The following NADK2 variants were observed in gnomAD, a reference collection of about 807,000 sequenced individuals.
NADK2 encodes NAD kinase domain-containing protein 1, mitochondrial.
NADK2 carries 35 observed loss-of-function variants against 62.1 expected under a neutral mutation model. The observed-to-expected ratio is 0.56, with a 90% CI of 0.43 to 0.75. NADK2 has a LOEUF of 0.75. NADK2 is among the 30% of genes least tolerant of loss of function. NADK2 has a pLI of 0.00. For missense variants in NADK2, 439 were observed against 561.3 expected, an observed-to-expected ratio of 0.78 and a Z score of 2.20; for synonymous variants, 205 against 207.9, an observed-to-expected ratio of 0.99 and a Z score of 0.12.
intron 7 of NADK2, among the ~76,000 whole-genome samples, chr5:36,207,593 T>C (rs1476945335): frequency 6.6e-6 from 1 of 152,112 alleles, no homozygotes; most frequent in East Asian, 1.9e-4. Flanking sequence ...ATACAGAGCC[T>C]CATTTCTGAA....
chr5:36,225,558 T>A lies in NADK2; in HGVS notation c.544A>T (p.Asn182Tyr), dbSNP rs939759083. The change falls in exon 4 of 12, where the codon AAC (asparagine) becomes TAC (tyrosine). Residue 182 changes from asparagine (N) to tyrosine (Y), a missense_variant. By Grantham distance (143) the Asn-to-Tyr change is moderately radical. Coordinates refer to ENST00000381937, the MANE Select transcript of NADK2 (RefSeq NM_001085411.3). The part of the protein sequence containing the change: ...LDRLKPVIGV[N>Y]TDPERSEGHL... ...CTTTCTTACCGTTCTGGATCAGTGT[T>A]TACCCCTATAACTGGTTTAAGTCTG... 6.2e-7 allele frequency: 1 copy of A among 1,613,724 alleles called. No homozygotes were observed. The highest frequency in any genetic ancestry group is 8.5e-7 in the Non-Finnish European group (1 of 1,179,746).
intron 1 of NADK2, among the ~76,000 whole-genome samples, chr5:36,239,347 A>G (rs768027504): frequency 6.6e-6 from 1 of 152,232 alleles, no homozygotes; most frequent in Non-Finnish European, 1.5e-5. Context: ...TTGCATTCTG[A>G]GTATGGGCCT....
At chr5:36,214,679 G>C (rs752806520) in intron 6 of NADK2, among the ~76,000 whole-genome samples, 6 of 152,182 alleles carry the variant, frequency 3.9e-5, no homozygotes, top group Non-Finnish European at 8.8e-5. Context: ...GTGGACAAAA[G>C]TAATGAAAAG....
intron 6 of NADK2, 89 bp downstream of exon 6, chr5:36,217,659 C>T (rs1747094308): frequency 2.8e-6 from 1 of 351,442 alleles, no homozygotes; most frequent in South Asian, 2.7e-5. Context: ...ACACTAAAAA[C>T]AAGTAAATTA....
At chr5:36,198,327 A>T (rs1275347213) in intron 10 of NADK2, among the ~76,000 whole-genome samples, 4 of 152,014 alleles carry the variant, frequency 2.6e-5, no homozygotes, top group Admixed American at 2.6e-4. Context: ...TATTTATAAA[A>T]GTTTCATTTG....
In NADK2 at chr5:36,194,542, A is replaced by C. The variant is rs991138161; in HGVS notation, c.*602T>G. On this transcript the variant is annotated 3_prime_UTR_variant, in exon 12 of 12. Coordinates refer to ENST00000381937, the MANE Select transcript of NADK2 (RefSeq NM_001085411.3). ...GAATGAAACTCAAATGAAAGCATTC[A>C]TCTATAATTTCAAAAATTATTATTT... 9.2e-5 allele frequency: 14 copies of C among 152,332 alleles called. No homozygotes were observed. The highest frequency in any genetic ancestry group is 3.1e-4 in the African/African-American group (13 of 41,580). The allele number at this position is 152,332 out of a possible 1,614,324, so 9.4% of individuals were successfully genotyped here.
At chr5:36,217,327 CA>C (rs771053450) in intron 6 of NADK2, among the ~76,000 whole-genome samples, 1 of 152,102 alleles carries the variant, frequency 6.6e-6, no homozygotes, top group Non-Finnish European at 1.5e-5. Context: ...ATACTTCAAG[CA>C]CAAATCCTAA....
intron 1 of NADK2, among the ~76,000 whole-genome samples, chr5:36,228,785 A>AT (rs201541371): frequency 3.4e-4 from 44 of 128,148 alleles, no homozygotes; most frequent in East Asian, 9.0e-4. Context: ...CAACCAGCTA[A>AT]TTTATTTTAT....
chr5:36,228,465 T>C (rs1297859775), intron 1 of NADK2, among the ~76,000 whole-genome samples: 1 of 152,098 alleles, frequency 6.6e-6, no homozygotes, highest in Non-Finnish European at 1.5e-5. Flanking sequence ...GCTGTCTTGC[T>C]ATGTTGCTCA....
intron 7 of NADK2, chr5:36,208,779 A>G (rs1303759673): frequency 2.4e-6 from 2 of 826,536 alleles, no homozygotes; most frequent in African/African-American, 3.5e-5. Flanking sequence ...AGGCAGGAAT[A>G]ATATTGCTGC....
At chr5:36,238,786 A>G (rs1434372165) in intron 1 of NADK2, among the ~76,000 whole-genome samples, 2 of 152,224 alleles carry the variant, frequency 1.3e-5, no homozygotes, top group African/African-American at 4.8e-5. Flanking sequence ...TGGTCAATCA[A>G]TGGGGAAAAA....
intron 7 of NADK2, among the ~76,000 whole-genome samples, chr5:36,209,916 A>T (rs1746776239): frequency 6.6e-6 from 1 of 152,192 alleles, no homozygotes; most frequent in Non-Finnish European, 1.5e-5. Context: ...GAAACTGTTC[A>T]AACCCTTCCG....
At position 36,225,444 on chromosome 5, in the gene NADK2, C is replaced by T. The variant is rs184404487; in HGVS notation, c.560+98G>A. On this transcript the variant is annotated intron_variant, in intron 4 of 11. Transcript: ENST00000381937. ...TTTTAAGACAGACCATAAAAAGATA[C>T]TATGCAATCAAAGCAGAAATGCATG... 12 of 871,822 alleles carry T rather than the reference C, an allele frequency of 1.4e-5. No homozygotes were observed. In the Admixed American group the frequency reaches 1.4e-4, roughly 10 times the overall value. The allele number at this position is 871,822 out of a possible 1,614,324, so 54.0% of individuals were successfully genotyped here.
Position 36,208,161 on chromosome 5 carries a change from C to T in NADK2, c.861-896G>A, listed in dbSNP as rs147535052. On this transcript the variant is annotated intron_variant, in intron 7 of 11. Transcript: ENST00000381937. ...AACACTAACACTATGGATAATTTAT[C>T]TCTTATTCTAACCTTTACAGTTTAT... Among the ~76,000 whole-genome samples the T allele has an allele frequency of 1.1e-3, 166 of 152,224 alleles. 2 individuals are homozygous for T. The highest frequency in any genetic ancestry group is 3.7e-3 in the African/African-American group (153 of 41,552).
chr5:36,237,896 C>T (rs763859022), intron 1 of NADK2, among the ~76,000 whole-genome samples: 3 of 152,056 alleles, frequency 2.0e-5, no homozygotes, highest in Non-Finnish European at 2.9e-5. Context: ...CAGAGTCTTG[C>T]GGGGCTAAGG....
intron 6 of NADK2, chr5:36,213,220 T>G (rs1348708479): frequency 6.6e-6 from 1 of 152,196 alleles, no homozygotes; most frequent in Admixed American, 6.5e-5. Context: ...TCTTAGAATC[T>G]TGACCTTTAT....
chr5:36,195,726 T>G (rs182112922), intron 11 of NADK2, among the ~76,000 whole-genome samples: 2 of 152,312 alleles, frequency 1.3e-5, no homozygotes, highest in Admixed American at 1.3e-4. Flanking sequence ...AACACACTTA[T>G]GATCACCCAA....
At chr5:36,222,813 A>G (rs1192143995) in intron 4 of NADK2, among the ~76,000 whole-genome samples, 1 of 152,218 alleles carries the variant, frequency 6.6e-6, no homozygotes, top group African/African-American at 2.4e-5. Flanking sequence ...TAAGTTCCCT[A>G]GAACTTAGGA....
At chr5:36,231,536 G>C (rs1747709479) in intron 1 of NADK2, among the ~76,000 whole-genome samples, 1 of 152,130 alleles carries the variant, frequency 6.6e-6, no homozygotes, top group Non-Finnish European at 1.5e-5. Flanking sequence ...GGCTAAATGA[G>C]ACAGATAAAA....
Sources: gnomAD v4.1 joint callset for allele counts (sites outside exome capture counted in the v4.1 genomes callset) on GRCh38, gnomAD v4.1.1 for gene constraint, MANE v1.5 for transcripts, NCBI Gene and HGNC (gene_info 2026-07-23, HGNC 2026-07-21) for gene names.